Variants in LAMA2 observed in about 807,000 individuals in gnomAD.
The protein encoded by LAMA2 is laminin subunit alpha-2.
A neutral mutation model predicts 364.8 loss-of-function variants in LAMA2; 269 were observed. The ratio of observed to expected loss-of-function variants is 0.74; its 90% confidence interval spans 0.67 to 0.82. LAMA2 has a LOEUF of 0.82. LAMA2 is among the 40% of genes least tolerant of loss of function. The pLI, the probability that LAMA2 is intolerant of heterozygous loss-of-function variation, is 0.00. For synonymous variants in LAMA2, 1,379 were observed against 1,370.6 expected (o/e 1.01, Z -0.14); for missense variants, 3,807 against 3,873.2 (o/e 0.98, Z 0.45).
chr6:129,199,807 G>A (rs1256935191), intron 12 of LAMA2, among the ~76,000 whole-genome samples: 4 of 151,978 alleles, frequency 2.6e-5, no homozygotes, highest in Non-Finnish European at 4.4e-5. Context: ...GATGGGGTGC[G>A]ATGGCTCACA....
intron 64 of LAMA2, among the ~76,000 whole-genome samples, chr6:129,515,141 A>C (rs1324948214): frequency 6.6e-6 from 1 of 152,210 alleles, no homozygotes; most frequent in Non-Finnish European, 1.5e-5. Flanking sequence ...ATTTACCTAA[A>C]GTGCCCATAA....
intron 12 of LAMA2, among the ~76,000 whole-genome samples, chr6:129,238,371 T>C (rs1252079255): frequency 6.6e-6 from 1 of 152,206 alleles, no homozygotes; most frequent in African/African-American, 2.4e-5. Context: ...GAATTTCTTT[T>C]TAAAACCCTT....
At chr6:129,207,722 C>T (rs558363829) in intron 12 of LAMA2, among the ~76,000 whole-genome samples, 2 of 151,892 alleles carry the variant, frequency 1.3e-5, no homozygotes, top group East Asian at 3.9e-4. Flanking sequence ...TAATGAAATA[C>T]AATCTTCCAG....
chr6:129,051,366 G>A (rs1474727436), intron 2 of LAMA2, among the ~76,000 whole-genome samples: 1 of 149,488 alleles, frequency 6.7e-6, no homozygotes, highest in East Asian at 2.0e-4. Flanking sequence ...AGGCTGGAGT[G>A]CAGTGGTGCG....
Position 129,389,564 on chromosome 6 carries a change from C to T in LAMA2, c.5072-1927C>T, listed in dbSNP as rs188061728. On this transcript the variant is annotated intron_variant, in intron 35 of 64. Transcript: ENST00000421865. ...AAGGCTCTGTATTAATCTCTTCTCACGCTGCTATAAAGAACTACCTGAGAC... is the reference window on the plus strand; with the variant it reads ...AAGGCTCTGTATTAATCTCTTCTCATGCTGCTATAAAGAACTACCTGAGAC... Among the ~76,000 whole-genome samples, 134 of 152,252 alleles carry T rather than the reference C, an allele frequency of 8.8e-4. 2 individuals carry two copies. The highest frequency in any genetic ancestry group is 4.8e-3 in the South Asian group (23 of 4,822).
At chr6:129,146,629 A>G (rs1465077003) in intron 5 of LAMA2, among the ~76,000 whole-genome samples, 2 of 152,052 alleles carry the variant, frequency 1.3e-5, no homozygotes, top group Non-Finnish European at 2.9e-5. Flanking sequence ...TATGTAAAAC[A>G]ACTTTTATGA....
intron 16 of LAMA2, among the ~76,000 whole-genome samples, chr6:129,268,112 G>GA (rs1467876006): frequency 2.6e-5 from 4 of 151,968 alleles, no homozygotes; most frequent in African/African-American, 9.7e-5. Flanking sequence ...AAGCTTCTGG[G>GA]AAAAATCCAA....
At chr6:129,488,119 C>T (rs1469580438) in intron 56 of LAMA2, among the ~76,000 whole-genome samples, 1 of 152,044 alleles carries the variant, frequency 6.6e-6, no homozygotes, top group African/African-American at 2.4e-5. Flanking sequence ...ACCAGCCTGG[C>T]CAATATGGTG....
intron 41 of LAMA2, 76 bp from the exon 42 acceptor site, chr6:129,438,570 C>T: frequency 4.2e-6 from 3 of 719,180 alleles, no homozygotes; most frequent in Non-Finnish European, 7.5e-6. Flanking sequence ...TTAAAATAAC[C>T]TGAAATTGCA....
intron 1 of LAMA2, among the ~76,000 whole-genome samples, chr6:128,935,883 A>G (rs1324376587): frequency 6.6e-6 from 1 of 152,180 alleles, no homozygotes; most frequent in Non-Finnish European, 1.5e-5. Flanking sequence ...GTCCCCACCC[A>G]AATCTCATCT....
At chr6:129,137,364 C>T (rs1777856950) in intron 4 of LAMA2, among the ~76,000 whole-genome samples, 2 of 151,892 alleles carry the variant, frequency 1.3e-5, no homozygotes, top group Non-Finnish European at 2.9e-5. Flanking sequence ...ATTAAGGCAC[C>T]TGAAGGGACA....
chr6:129,014,506 G>A (rs1248511515), intron 1 of LAMA2, among the ~76,000 whole-genome samples: 1 of 152,098 alleles, frequency 6.6e-6, no homozygotes, highest in Non-Finnish European at 1.5e-5. Flanking sequence ...AGCAGCATCA[G>A]AAGCCATATA....
At chr6:129,299,086 G>T (rs1274089698) in intron 21 of LAMA2, among the ~76,000 whole-genome samples, 2 of 151,676 alleles carry the variant, frequency 1.3e-5, no homozygotes, top group Non-Finnish European at 2.9e-5. Flanking sequence ...ATTATAGAAA[G>T]ATGACAGCAT....
At chr6:129,287,143 G>A (rs967458686) in intron 18 of LAMA2, among the ~76,000 whole-genome samples, 1 of 146,942 alleles carries the variant, frequency 6.8e-6, no homozygotes, top group Non-Finnish European at 1.5e-5. Flanking sequence ...AAGGAAGAAA[G>A]GGAGAAAGAC....
chr6:129,330,598 G>GTTTT (rs1554273762), intron 29 of LAMA2, among the ~76,000 whole-genome samples: 11 of 88,678 alleles, frequency 1.2e-4, no homozygotes, highest in Admixed American at 4.0e-4. Flanking sequence ...TTTGGTTTTT[G>GTTTT]TTTTTTTTTT....
At chr6:128,936,511 C>T (rs1779820833) in intron 1 of LAMA2, among the ~76,000 whole-genome samples, 1 of 152,196 alleles carries the variant, frequency 6.6e-6, no homozygotes, top group African/African-American at 2.4e-5. Context: ...TCCAGGACCC[C>T]CAGAGTATGT....
At chr6:129,177,022 C>T (rs1225120753) in intron 9 of LAMA2, among the ~76,000 whole-genome samples, 1 of 151,656 alleles carries the variant, frequency 6.6e-6, no homozygotes, top group Non-Finnish European at 1.5e-5. Flanking sequence ...TTTTATCTTT[C>T]TCCAGATTTT....
At chr6:129,176,282 T>A (rs1780583674) in intron 9 of LAMA2, among the ~76,000 whole-genome samples, 1 of 151,982 alleles carries the variant, frequency 6.6e-6, no homozygotes, top group Admixed American at 6.6e-5. Context: ...CAGAACTAAT[T>A]TAATCTTAAT....
Position 129,315,571 on chromosome 6 carries a change from T to A in LAMA2, c.3651T>A (p.Ile1217=). 1 of 1,614,204 alleles carries A rather than the reference T, an allele frequency of 6.2e-7. No individual in the cohort carries two copies. Among genetic ancestry groups the A allele is most frequent in the Non-Finnish European group, 8.5e-7 (1 of 1,180,008 alleles). Reference sequence around the variant, plus strand: ...GCATTGTTTTTCAACATCCAGAGATTGTTGCCCACATGGACCTGATGAGAG... The same window carrying A: ...GCATTGTTTTTCAACATCCAGAGATAGTTGCCCACATGGACCTGATGAGAG... ...TKGIVFQHPE[I]VAHMDLMRED... The change falls in exon 25 of 65, where the codon ATT becomes ATA. Residue 1217 remains isoleucine, a synonymous_variant. Transcript: ENST00000421865.
Sources: allele counts gnomAD v4.1 joint callset (sites outside exome capture counted in the v4.1 genomes callset), GRCh38; gene constraint gnomAD v4.1.1; transcripts MANE v1.5; gene names NCBI Gene and HGNC (gene_info 2026-07-23, HGNC 2026-07-21).